PTTG1IP: variants seen among roughly 807,000 people sequenced by gnomAD.
The protein encoded by PTTG1IP is PTTG1 interacting protein, also known as pituitary tumor-transforming gene 1 protein-interacting protein.
In PTTG1IP, 16 loss-of-function variants were observed where a neutral mutation model predicts 24.4. That is an observed-to-expected ratio of 0.66 (90% CI 0.44 to 1.00). The LOEUF (loss-of-function observed/expected upper bound fraction) is 1.00, where lower values mean the gene tolerates loss of function less well. Among genes scored for constraint, PTTG1IP ranks in the 50% least tolerant of loss-of-function variants. The pLI is 0.00. For synonymous variants in PTTG1IP, 89 were observed against 96.8 expected (o/e 0.92, Z 0.47); for missense variants, 241 against 245.8 (o/e 0.98, Z 0.13).
In PTTG1IP at chr21:44,867,853, G is replaced by A. The variant is rs550542882; in HGVS notation, c.116-2406C>T. 1.2e-3 allele frequency among the ~76,000 whole-genome samples: 178 copies of A among 152,350 alleles called. 2 individuals are homozygous for A. The highest frequency in any genetic ancestry group is 6.8e-4 in the Non-Finnish European group (46 of 68,036). Reference sequence around the variant, plus strand: ...TTTAACTTACAATTTCACTCATTACGTTTACCAAAAGGGACAAATAATACA... The same window carrying A: ...TTTAACTTACAATTTCACTCATTACATTTACCAAAAGGGACAAATAATACA... On this transcript the variant is annotated intron_variant, in intron 1 of 5. Coordinates refer to ENST00000330938, the MANE Select transcript of PTTG1IP (RefSeq NM_004339.4).
intron 3 of PTTG1IP, among the ~76,000 whole-genome samples, chr21:44,858,551 C>T (rs943155583): frequency 6.6e-6 from 1 of 152,138 alleles, no homozygotes; most frequent in African/African-American, 2.4e-5. Context: ...CCCATCGCAC[C>T]CCACCCTCCT....
At chr21:44,872,134 ACT>A (rs2083591801) in intron 1 of PTTG1IP, among the ~76,000 whole-genome samples, 1 of 151,998 alleles carries the variant, frequency 6.6e-6, no homozygotes, top group African/African-American at 2.4e-5. Context: ...TGAATCACAC[ACT>A]CTGCCTGCAG....
intron 5 of PTTG1IP, among the ~76,000 whole-genome samples, chr21:44,854,837 G>A (rs2083437041): frequency 6.6e-6 from 1 of 152,164 alleles, no homozygotes; most frequent in Non-Finnish European, 1.5e-5. Context: ...AACGAGCAAC[G>A]CTCCCGAGGA....
Position 44,851,517 on chromosome 21 carries a change from G to A in PTTG1IP, c.*64C>T, listed in dbSNP as rs13433392. On this transcript the variant is annotated 3_prime_UTR_variant, in exon 6 of 6. Coordinates refer to ENST00000330938, the MANE Select transcript of PTTG1IP (RefSeq NM_004339.4). The stretch of plus-strand genomic sequence containing the variant: ...GACCGCAATGGCCACGTGGTCTCCC[G>A]GCTGGGCTGGGCTGCGGAGCGTGCA... The A allele has an allele frequency of 1.9e-3, 3,099 of 1,613,954 alleles. 66 individuals carry two copies. The African/African-American group carries it at 0.037, about 19-fold the overall frequency.
chr21:44,856,582 T>C (rs1231933981), intron 3 of PTTG1IP, among the ~76,000 whole-genome samples: 2 of 152,238 alleles, frequency 1.3e-5, no homozygotes, highest in African/African-American at 4.8e-5. Flanking sequence ...CAGCCACACG[T>C]TCCTATCTGT....
intron 5 of PTTG1IP, among the ~76,000 whole-genome samples, chr21:44,853,843 A>T (rs1237472430): frequency 6.6e-6 from 1 of 152,180 alleles, no homozygotes; most frequent in African/African-American, 2.4e-5. Flanking sequence ...CATAGGAAAA[A>T]GCCTCTATCA....
intron 1 of PTTG1IP, among the ~76,000 whole-genome samples, chr21:44,867,074 T>C (rs2083547552): frequency 6.6e-6 from 1 of 152,230 alleles, no homozygotes; most frequent in African/African-American, 2.4e-5. Flanking sequence ...GATGTCACTC[T>C]GTAGGAGGGT....
intron 3 of PTTG1IP, among the ~76,000 whole-genome samples, chr21:44,857,368 T>C (rs1310870786): frequency 6.6e-6 from 1 of 152,136 alleles, no homozygotes; most frequent in Non-Finnish European, 1.5e-5. Flanking sequence ...GCACCTCTGG[T>C]CCCAGCGACA....
intron 1 of PTTG1IP, among the ~76,000 whole-genome samples, chr21:44,870,834 G>A (rs776005479): frequency 7.2e-5 from 11 of 152,184 alleles, no homozygotes; most frequent in Non-Finnish European, 1.3e-4. Flanking sequence ...AACAAATAAC[G>A]TTTTCTTCTG....
intron 1 of PTTG1IP, among the ~76,000 whole-genome samples, chr21:44,868,199 A>G (rs1254999476): frequency 2.0e-5 from 3 of 152,240 alleles, no homozygotes; most frequent in Admixed American, 2.0e-4. Context: ...TGATAAGAAC[A>G]GCACTGCTGA....
At chr21:44,856,737 G>GT (rs2083452455) in intron 3 of PTTG1IP, among the ~76,000 whole-genome samples, 1 of 152,190 alleles carries the variant, frequency 6.6e-6, no homozygotes, top group Non-Finnish European at 1.5e-5. Context: ...TCAGACTCTC[G>GT]TAAGACATTC....
chr21:44,866,854 A>G (rs1199320070), intron 1 of PTTG1IP, among the ~76,000 whole-genome samples: 1 of 152,266 alleles, frequency 6.6e-6, no homozygotes, highest in Non-Finnish European at 1.5e-5. Flanking sequence ...AAGGATGTAC[A>G]GCAACAGAAC....
chr21:44,868,786 A>C (rs2083562584), intron 1 of PTTG1IP, among the ~76,000 whole-genome samples: 1 of 152,126 alleles, frequency 6.6e-6, no homozygotes, highest in South Asian at 2.1e-4. Flanking sequence ...AAAGATGCCA[A>C]GTCCACTGGG....
chr21:44,855,525 ACCGTG>A (rs2083442723), intron 4 of PTTG1IP, among the ~76,000 whole-genome samples: 2 of 152,330 alleles, frequency 1.3e-5, no homozygotes, highest in East Asian at 3.9e-4. Flanking sequence ...AATGCCCAAT[ACCGTG>A]ATTTTTAAAA....
chr21:44,851,510 G>A lies in PTTG1IP; in HGVS notation c.*71C>T. 1 of 1,613,966 alleles carries A rather than the reference G, an allele frequency of 6.2e-7. No homozygotes were observed. ...GTCAGGAGACCGCAATGGCCACGTG[G>A]TCTCCCGGCTGGGCTGGGCTGCGGA... On this transcript the variant is annotated 3_prime_UTR_variant, in exon 6 of 6. Transcript: ENST00000330938.
At chr21:44,865,242 A>G (rs2083526227) in intron 2 of PTTG1IP, among the ~76,000 whole-genome samples, 153 bp downstream of exon 2, 1 of 152,220 alleles carries the variant, frequency 6.6e-6, no homozygotes, top group African/African-American at 2.4e-5. Context: ...AATGGCTAAA[A>G]TAACATTTGA....
At chr21:44,862,766 C>A (rs1026817072) in intron 2 of PTTG1IP, among the ~76,000 whole-genome samples, 3 of 152,182 alleles carry the variant, frequency 2.0e-5, no homozygotes, top group Non-Finnish European at 4.4e-5. Context: ...ACCTTAGTGT[C>A]GTGTTTAAGT....
chr21:44,870,556 A>G (rs955812096), intron 1 of PTTG1IP, among the ~76,000 whole-genome samples: 15 of 146,116 alleles, frequency 1.0e-4, no homozygotes, highest in African/African-American at 2.5e-5. Flanking sequence ...AAAGAAAGGC[A>G]TGAATCATTT....
At chr21:44,858,723 T>C (rs2083467599) in intron 3 of PTTG1IP, among the ~76,000 whole-genome samples, 1 of 152,182 alleles carries the variant, frequency 6.6e-6, no homozygotes, top group Admixed American at 6.5e-5. Flanking sequence ...AGCGTGGGGA[T>C]GTCATTTCAC....
Sources: allele counts gnomAD v4.1 joint callset (sites outside exome capture counted in the v4.1 genomes callset), GRCh38; gene constraint gnomAD v4.1.1; transcripts MANE v1.5; gene names NCBI Gene and HGNC (gene_info 2026-07-23, HGNC 2026-07-21).